AGMAT: variants seen among roughly 807,000 people sequenced by gnomAD.
AGMAT encodes guanidino acid hydrolase, mitochondrial.
AGMAT carries 37 observed loss-of-function variants against 29.3 expected under a neutral mutation model. The ratio of observed to expected loss-of-function variants is 1.26; its 90% CI spans 0.97 to 1.66. The LOEUF is 1.66. Ranked by LOEUF, AGMAT falls within the 40% of genes most tolerant of loss-of-function variation. AGMAT has a pLI of 0.00. For missense variants in AGMAT, 498 were observed against 497.8 expected (o/e 1.00, Z 0.00); for synonymous variants, 199 against 200.8 (o/e 0.99, Z 0.08).
rs58974289 is a variant in AGMAT, at chr1:15,572,819, ATTT to A, written c.*829_*831del. On this transcript the variant is annotated 3_prime_UTR_variant, in exon 7 of 7. Coordinates refer to ENST00000375826, the MANE Select transcript of AGMAT (RefSeq NM_024758.5). Reference sequence around the variant, plus strand: ...CTAAGCACCTCATAGGAGAAGCTGTATTTTTTTTTTTTTTTTTTGAGATGGAGT... The same window carrying A: ...CTAAGCACCTCATAGGAGAAGCTGTATTTTTTTTTTTTTTTGAGATGGAGT... 0.013 allele frequency: 1,683 copies of A among 126,368 alleles called. 22 individuals carry two copies. The highest frequency in any genetic ancestry group is 0.045 in the African/African-American group (1,547 of 34,168). 7.8% of individuals were successfully genotyped at this position (126,368 alleles called of 1,614,324 possible).
chr1:15,571,701 GAA>G lies in AGMAT; in HGVS notation c.*1948_*1949del, dbSNP rs1232504212. 6.6e-6 allele frequency: 1 copy of G among 152,520 alleles called. No homozygotes were observed. The highest frequency in any genetic ancestry group is 2.4e-5 in the African/African-American group (1 of 41,428). 9.4% of individuals were successfully genotyped at this position (152,520 alleles called of 1,614,324 possible). On this transcript the variant is annotated 3_prime_UTR_variant, in exon 7 of 7. Coordinates refer to ENST00000375826, the MANE Select transcript of AGMAT (RefSeq NM_024758.5). ...GATGTTATTTTAAGATTACAGAATG[GAA>G]AAAGAAATAAACTATTTTAATGTCT...
At chr1:15,583,417 T>C (rs1303822309) in intron 1 of AGMAT, 22 bp from the exon 2 acceptor site, 2 of 1,599,392 alleles carry the variant, frequency 1.3e-6, no homozygotes, top group Non-Finnish European at 1.7e-6. Context: ...AGAATCATCC[T>C]GTCAGCCATC....
At chr1:15,581,190 A>AG (rs1639108280) in intron 2 of AGMAT, among the ~76,000 whole-genome samples, 2 of 152,158 alleles carry the variant, frequency 1.3e-5, no homozygotes, top group African/African-American at 4.8e-5. Flanking sequence ...TTTGCAAAAA[A>AG]TACAAAAATT....
At chr1:15,583,616 T>A (rs1639145927) in intron 1 of AGMAT, among the ~76,000 whole-genome samples, 1 of 152,194 alleles carries the variant, frequency 6.6e-6, no homozygotes, top group Non-Finnish European at 1.5e-5. Flanking sequence ...TACTGCCAAA[T>A]GTCCCCGGAG....
chr1:15,580,204 T>A, intron 2 of AGMAT, 62 bp from the exon 3 acceptor site: 8 of 869,884 alleles, frequency 9.2e-6, no homozygotes, highest in South Asian at 2.0e-5. Context: ...GAATAATCTT[T>A]TTTTTTTTTT....
intron 2 of AGMAT, among the ~76,000 whole-genome samples, chr1:15,581,143 T>C (rs1639107840): frequency 6.6e-6 from 1 of 152,096 alleles, no homozygotes; most frequent in South Asian, 2.1e-4. Flanking sequence ...AGCCCAGGAA[T>C]TCAAGGTCCA....
intron 1 of AGMAT, among the ~76,000 whole-genome samples, chr1:15,584,430 A>G (rs948578629): frequency 7.2e-5 from 11 of 152,040 alleles, no homozygotes; most frequent in African/African-American, 2.4e-4. Context: ...GATTACAGGC[A>G]TGAGCCACCG....
chr1:15,572,292 C>A lies in AGMAT; in HGVS notation c.*1359G>T, dbSNP rs1175646753. On this transcript the variant is annotated 3_prime_UTR_variant, in exon 7 of 7. Transcript: ENST00000375826. ...GCCAGGCTGGTCTTGAACTCCTGAC[C>A]TCAGGTGATCCTCCCGCCTAGGCCT... 1 of 150,286 alleles carries A rather than the reference C, an allele frequency of 6.7e-6. No homozygotes were observed. Among genetic ancestry groups the A allele is most frequent in the East Asian group, 1.9e-4 (1 of 5,134 alleles). The allele number at this position is 150,286 out of a possible 1,614,324, so 9.3% of individuals were successfully genotyped here.
intron 4 of AGMAT, among the ~76,000 whole-genome samples, chr1:15,578,131 G>C (rs1570941376): frequency 6.6e-6 from 1 of 152,182 alleles, no homozygotes; most frequent in Admixed American, 6.5e-5. Context: ...CTTTTGAATT[G>C]CTCTGTCCAG....
At chr1:15,580,062 A>G in intron 3 of AGMAT, 32 bp downstream of exon 3, 1 of 1,607,790 alleles carries the variant, frequency 6.2e-7, no homozygotes, top group Non-Finnish European at 8.5e-7. Flanking sequence ...GGCTTTTGAA[A>G]TCTTGCTGGG....
rs1343767993 is a variant in AGMAT, at chr1:15,583,292, C to T, written c.376G>A (p.Asp126Asn). Residue 126 changes from aspartate to asparagine, a missense_variant, in exon 2 of 7, where the codon GAT (aspartate) becomes AAT (asparagine). By Grantham distance (23) the Asp-to-Asn change is conservative (BLOSUM62 1). Coordinates refer to ENST00000375826, the MANE Select transcript of AGMAT (RefSeq NM_024758.5). Reference sequence around the variant, plus strand: ...AGGTTGTAAAGATTGACATTCACATCGCCTAGGTCTGCAACCATGAGGGAC... The same window carrying T: ...AGGTTGTAAAGATTGACATTCACATTGCCTAGGTCTGCAACCATGAGGGAC... Reference protein sequence around the residue: ...FQSLMVADLGDVNVNLYNLQD... With the variant: ...FQSLMVADLGNVNVNLYNLQD... 3 of 1,614,144 alleles carry T rather than the reference C, an allele frequency of 1.9e-6. No homozygotes were observed. In the Admixed American group the frequency reaches 5.0e-5, roughly 27 times the overall value.
chr1:15,578,961 G>T lies in AGMAT; in HGVS notation c.618C>A (p.Arg206=). ...CCAGGAGACCCTCATCCACACACCG[G>T]CGGAAGGGCGCCCCGTGGTAGAGCT... The part of the protein sequence containing the change: ...GEKLYHGAPF[R]RCVDEGLLDC... Residue 206 remains arginine (R), a synonymous_variant, in exon 4 of 7, where the codon CGC becomes CGA. Coordinates refer to ENST00000375826, the MANE Select transcript of AGMAT (RefSeq NM_024758.5). The T allele has an allele frequency of 6.2e-7, 1 of 1,614,128 alleles. No homozygotes were observed.
At chr1:15,573,859 G>A (rs545062800) in intron 6 of AGMAT, 135 bp from the exon 7 acceptor site, 226 of 666,454 alleles carry the variant, frequency 3.4e-4, no homozygotes, top group African/African-American at 3.3e-3. Flanking sequence ...TAGGGTGCCC[G>A]CCAGCTGTGA....
intron 2 of AGMAT, 34 bp from the exon 3 acceptor site, chr1:15,580,176 G>C: frequency 8.5e-7 from 1 of 1,178,586 alleles, no homozygotes; most frequent in Non-Finnish European, 1.3e-6. Context: ...TCTGGAAAGT[G>C]AATTGGAGGA....
rs778716865 is a variant in AGMAT at position 15,574,860 on chromosome 1, G to C, written c.901-19C>G. 6.2e-6 allele frequency: 10 copies of C among 1,601,786 alleles called. No individual in the cohort carries two copies. The Admixed American group carries it at 1.3e-4, about 21-fold the overall frequency. The stretch of plus-strand genomic sequence containing the variant: ...CCAGAGCCTATTCAAGATCAAGACT[G>C]AGTTGTCCACAGTGGTAATCATTTA... On this transcript the variant is annotated intron_variant, in intron 5 of 6. Transcript: ENST00000375826.
At chr1:15,575,438 T>G (rs907999908) in intron 5 of AGMAT, 7 of 152,762 alleles carry the variant, frequency 4.6e-5, no homozygotes, top group African/African-American at 1.7e-4. Context: ...GAGAGAGTTA[T>G]GGCCACCCTC....
rs371989772 is a variant in AGMAT, at chr1:15,574,785, G to A, written c.957C>T (p.Val319=). Residue 319 remains valine (V), a synonymous_variant, in exon 6 of 7, where the codon GTC becomes GTT. Transcript: ENST00000375826. ...AAAGATCATACGGTGGTGAAACTTC[G>A]ACAAGATCACAGCCCATCACGTTCA... ...QGLNVMGCDL[V]EVSPPYDLSG... The A allele has an allele frequency of 4.8e-5, 78 of 1,613,692 alleles. No individual in the cohort carries two copies. Among genetic ancestry groups the A allele is most frequent in the Admixed American group, 2.2e-4 (13 of 59,970 alleles).
intron 2 of AGMAT, 22 bp downstream of exon 2, chr1:15,583,171 G>A (rs1557598242): frequency 3.1e-6 from 5 of 1,611,930 alleles, no homozygotes; most frequent in Non-Finnish European, 4.2e-6. Flanking sequence ...GAACTACTCT[G>A]GCTCTTGCAG....
intron 2 of AGMAT, among the ~76,000 whole-genome samples, chr1:15,582,431 G>A (rs1490113697): frequency 6.6e-6 from 1 of 152,190 alleles, no homozygotes; most frequent in Non-Finnish European, 1.5e-5. Context: ...CAGCAACATT[G>A]CTAGGGAGAA....
Sources: allele counts gnomAD v4.1 joint callset (sites outside exome capture counted in the v4.1 genomes callset), GRCh38; gene constraint gnomAD v4.1.1; transcripts MANE v1.5; gene names NCBI Gene and HGNC (gene_info 2026-07-23, HGNC 2026-07-21).